The following LUZP2 variants were observed in gnomAD, a reference collection of about 807,000 sequenced individuals.
The protein encoded by LUZP2 is leucine zipper protein 2.
In LUZP2, 52 loss-of-function variants were observed where a neutral mutation model predicts 51.6. That is an observed-to-expected ratio of 1.01 (90% confidence interval 0.81 to 1.27). The LOEUF is 1.27. Ranked by LOEUF, LUZP2 falls within the 50% of genes most tolerant of loss-of-function variation. LUZP2 has a pLI of 0.00. For synonymous variants in LUZP2, 154 were observed against 137.3 expected (o/e 1.12, Z -0.85); for missense variants, 436 against 395.4 (o/e 1.10, Z -0.87).
At chr11:24,608,894 A>G (rs1171898876) in intron 1 of LUZP2, among the ~76,000 whole-genome samples, 2 of 152,150 alleles carry the variant, frequency 1.3e-5, no homozygotes, top group Non-Finnish European at 2.9e-5. Context: ...AAATATATAT[A>G]TACAGGAGTT....
chr11:24,616,702 G>A (rs1191464788), intron 1 of LUZP2, among the ~76,000 whole-genome samples: 1 of 152,022 alleles, frequency 6.6e-6, no homozygotes, highest in Non-Finnish European at 1.5e-5. Context: ...TATTTATTAC[G>A]TAGCTGTATA....
intron 5 of LUZP2, among the ~76,000 whole-genome samples, chr11:24,771,610 A>T (rs1046971669): frequency 2.6e-5 from 4 of 151,640 alleles, no homozygotes; most frequent in Admixed American, 2.6e-4. Flanking sequence ...TGAATTAAGA[A>T]AAAGACACTA....
At chr11:24,818,382 A>G (rs1850250341) in intron 5 of LUZP2, among the ~76,000 whole-genome samples, 3 of 152,068 alleles carry the variant, frequency 2.0e-5, no homozygotes, top group African/African-American at 7.2e-5. Context: ...ACCATAGCTA[A>G]CAAATGGGTT....
chr11:24,554,075 T>G (rs1851797418), intron 1 of LUZP2, among the ~76,000 whole-genome samples: 1 of 152,198 alleles, frequency 6.6e-6, no homozygotes, highest in African/African-American at 2.4e-5. Flanking sequence ...TTTATAAATG[T>G]GAAGCTGAAA....
At chr11:24,601,940 A>ATATATGTG in intron 1 of LUZP2, among the ~76,000 whole-genome samples, 1 of 138,384 alleles carries the variant, frequency 7.2e-6, no homozygotes, top group African/African-American at 2.7e-5. Flanking sequence ...GTATATATGT[A>ATATATGTG]TATATGTATA....
chr11:24,564,709 A>G (rs561480409), intron 1 of LUZP2, among the ~76,000 whole-genome samples: 1 of 152,166 alleles, frequency 6.6e-6, no homozygotes, highest in Non-Finnish European at 1.5e-5. Flanking sequence ...TTAGGTAACA[A>G]GCAGATCAAC....
At chr11:24,997,268 T>C (rs1007436033) in intron 9 of LUZP2, among the ~76,000 whole-genome samples, 7 of 152,110 alleles carry the variant, frequency 4.6e-5, no homozygotes, top group African/African-American at 1.2e-4. Flanking sequence ...CTCCACATCC[T>C]CTCCAGCACT....
At chr11:24,874,298 G>A (rs756187521) in intron 5 of LUZP2, among the ~76,000 whole-genome samples, 1 of 152,120 alleles carries the variant, frequency 6.6e-6, no homozygotes, top group Non-Finnish European at 1.5e-5. Flanking sequence ...GGGGTCCAAG[G>A]GGAGTTGGTA....
intron 5 of LUZP2, among the ~76,000 whole-genome samples, chr11:24,790,659 G>A (rs778965338): frequency 2.6e-5 from 4 of 151,876 alleles, no homozygotes; most frequent in East Asian, 3.9e-4. Context: ...GTATCACCAC[G>A]CCCAGCTAAT....
At chr11:24,609,729 CAAAAAAAAAAAA>C (rs34436907) in intron 1 of LUZP2, among the ~76,000 whole-genome samples, 1 of 65,896 alleles carries the variant, frequency 1.5e-5, no homozygotes, top group Admixed American at 2.7e-4. Flanking sequence ...GACTCCAGCT[CAAAAAAAAAAAA>C]AAAAAAAAAA....
intron 1 of LUZP2, among the ~76,000 whole-genome samples, chr11:24,692,636 A>G (rs998462110): frequency 6.6e-6 from 1 of 152,066 alleles, no homozygotes; most frequent in Admixed American, 6.6e-5. Flanking sequence ...TTTCTTCATC[A>G]TAAAAGTACA....
At chr11:24,675,191 A>G (rs1348655144) in intron 1 of LUZP2, among the ~76,000 whole-genome samples, 1 of 152,230 alleles carries the variant, frequency 6.6e-6, no homozygotes, top group Non-Finnish European at 1.5e-5. Context: ...TTGTTTGAAC[A>G]CTAATTTTAA....
At chr11:24,788,180 A>ATTTTTTTTTTTT (rs61308017) in intron 5 of LUZP2, among the ~76,000 whole-genome samples, 3 of 83,390 alleles carry the variant, frequency 3.6e-5, no homozygotes, top group Non-Finnish European at 4.5e-5. Flanking sequence ...TTTGTTTTTA[A>ATTTTTTTTTTTT]TTTTTTTTTT....
chr11:24,502,825 C>T (rs1850038619), intron 1 of LUZP2, among the ~76,000 whole-genome samples: 1 of 152,088 alleles, frequency 6.6e-6, no homozygotes, highest in African/African-American at 2.4e-5. Flanking sequence ...AATGTAATTG[C>T]TATAAATTTT....
At chr11:24,922,597 C>G (rs1056964091) in intron 7 of LUZP2, among the ~76,000 whole-genome samples, 6 of 151,996 alleles carry the variant, frequency 3.9e-5, no homozygotes, top group Non-Finnish European at 7.4e-5. Context: ...GGTTTGGTGC[C>G]AAAATGTAGG....
At chr11:25,043,503 C>T (rs1002888011) in intron 9 of LUZP2, among the ~76,000 whole-genome samples, 1 of 149,986 alleles carries the variant, frequency 6.7e-6, no homozygotes, top group African/African-American at 2.4e-5. Context: ...AAGCACACTG[C>T]GATTTAGGTA....
chr11:24,747,261 C>T (rs1164055878), intron 4 of LUZP2, among the ~76,000 whole-genome samples: 2 of 152,092 alleles, frequency 1.3e-5, no homozygotes, highest in Admixed American at 6.6e-5. Flanking sequence ...GTACTTTTCT[C>T]GTTTTCCTGT....
intron 1 of LUZP2, among the ~76,000 whole-genome samples, chr11:24,547,763 A>T (rs1207529908): frequency 1.3e-5 from 2 of 152,158 alleles, no homozygotes; most frequent in Non-Finnish European, 2.9e-5. Context: ...GAAACTATCA[A>T]CAGAGTAAAC....
Position 24,521,222 on chromosome 11 carries a change from G to A in LUZP2, c.62+23917G>A, listed in dbSNP as rs1850629298. ...AAAAGTTAGTCAGGCATGGTGGCGT[G>A]GGCCTGTAATCCCAGCTGCTCAGGA... On this transcript the variant is annotated intron_variant, in intron 1 of 11. Transcript: ENST00000336930. 3.9e-5 allele frequency among the ~76,000 whole-genome samples: 6 copies of A among 152,010 alleles called. No homozygotes were observed. The South Asian group carries it at 1.2e-3, about 32-fold the overall frequency.
Sources: gnomAD v4.1 joint callset for allele counts (sites outside exome capture counted in the v4.1 genomes callset) on GRCh38, gnomAD v4.1.1 for gene constraint, MANE v1.5 for transcripts, NCBI Gene and HGNC (gene_info 2026-07-23, HGNC 2026-07-21) for gene names.